DENND5B: variants seen among roughly 807,000 people sequenced by gnomAD.
DENND5B encodes DENN domain containing 5B, also known as DENN domain-containing protein 5B.
In DENND5B, 34 loss-of-function variants were observed where a neutral mutation model predicts 140.6. The ratio of observed to expected loss-of-function variants is 0.24; its 90% CI spans 0.18 to 0.32. The LOEUF (loss-of-function observed/expected upper bound fraction) is 0.32. Ranked by LOEUF, DENND5B falls within the 10% of genes least tolerant of loss-of-function variation. The probability of loss-of-function intolerance (pLI) is 1.00; values close to 1 mark genes in which losing one functional copy is unlikely to be tolerated. For synonymous variants in DENND5B, 551 were observed against 562.1 expected (o/e 0.98, Z 0.28); for missense variants, 1,142 against 1,560.2 (o/e 0.73, Z 4.52).
intron 1 of DENND5B, among the ~76,000 whole-genome samples, chr12:31,588,557 T>C (rs1177557721): frequency 6.6e-6 from 1 of 152,198 alleles, no homozygotes; most frequent in African/African-American, 2.4e-5. Flanking sequence ...TACATAACAT[T>C]ACAACGTAAC....
At chr12:31,430,243 G>C (rs1393293170) in intron 8 of DENND5B, among the ~76,000 whole-genome samples, 2 of 147,590 alleles carry the variant, frequency 1.4e-5, no homozygotes, top group East Asian at 4.0e-4. Context: ...GGCTGGACTC[G>C]AACTCTTGTT....
chr12:31,392,165 T>C, intron 19 of DENND5B, 102 bp downstream of exon 19: 1 of 1,235,628 alleles, frequency 8.1e-7, no homozygotes, highest in Non-Finnish European at 1.1e-6. Flanking sequence ...AAAAAATATA[T>C]ATATCCTTAT....
chr12:31,455,271 G>A (rs1944717347), intron 4 of DENND5B, among the ~76,000 whole-genome samples: 1 of 151,982 alleles, frequency 6.6e-6, no homozygotes, highest in Admixed American at 6.6e-5. Context: ...CTATGAAAAG[G>A]GAAAATGATA....
intron 1 of DENND5B, among the ~76,000 whole-genome samples, chr12:31,543,796 C>G (rs1219104686): frequency 6.6e-6 from 1 of 152,174 alleles, no homozygotes; most frequent in Non-Finnish European, 1.5e-5. Context: ...TACCCTACAG[C>G]AAAATAAATT....
chr12:31,460,674 A>T (rs1020912946), intron 3 of DENND5B, among the ~76,000 whole-genome samples: 1 of 152,200 alleles, frequency 6.6e-6, no homozygotes, highest in Non-Finnish European at 1.5e-5. Context: ...ATCAAGAACT[A>T]ATAAAACTGC....
At chr12:31,540,993 A>T (rs192815287) in intron 1 of DENND5B, 1 of 455,060 alleles carries the variant, frequency 2.2e-6, no homozygotes. Context: ...GGAAAACTGG[A>T]TATCTTTACG....
chr12:31,533,693 G>C (rs951759554), intron 1 of DENND5B, among the ~76,000 whole-genome samples: 1 of 152,170 alleles, frequency 6.6e-6, no homozygotes, highest in Non-Finnish European at 1.5e-5. Context: ...GTAGTTGTAT[G>C]CATGTCTAAA....
At chr12:31,581,110 T>C (rs1950197147) in intron 1 of DENND5B, among the ~76,000 whole-genome samples, 1 of 152,068 alleles carries the variant, frequency 6.6e-6, no homozygotes, top group African/African-American at 2.4e-5. Flanking sequence ...GTCTCACTCT[T>C]GTTATAAATA....
chr12:31,400,482 A>C (rs1941731863), intron 15 of DENND5B, among the ~76,000 whole-genome samples: 1 of 152,250 alleles, frequency 6.6e-6, no homozygotes. Flanking sequence ...TCTGACTTCT[A>C]AAATCTGATA....
chr12:31,572,224 C>CAA (rs63584260), intron 1 of DENND5B, among the ~76,000 whole-genome samples: 8 of 139,062 alleles, frequency 5.8e-5, no homozygotes, highest in African/African-American at 2.1e-4. Context: ...AACTCTGTCT[C>CAA]AAAAAAAAAA....
intron 1 of DENND5B, among the ~76,000 whole-genome samples, chr12:31,561,734 C>T (rs549103803): frequency 2.0e-4 from 31 of 152,106 alleles, no homozygotes; most frequent in Non-Finnish European, 4.0e-4. Context: ...ATACATTGAG[C>T]GCCTACTATT....
intron 1 of DENND5B, among the ~76,000 whole-genome samples, chr12:31,517,132 T>C (rs1293551836): frequency 6.6e-6 from 1 of 152,136 alleles, no homozygotes; most frequent in Non-Finnish European, 1.5e-5. Context: ...AAACTTTAGA[T>C]AAATGAAAAT....
At chr12:31,418,316 T>C (rs973900034) in intron 11 of DENND5B, among the ~76,000 whole-genome samples, 1 of 147,182 alleles carries the variant, frequency 6.8e-6, no homozygotes, top group Non-Finnish European at 1.5e-5. Flanking sequence ...GGTCTCACTC[T>C]TGTCGCCCAG....
intron 1 of DENND5B, among the ~76,000 whole-genome samples, chr12:31,536,580 T>C (rs544579864): frequency 3.4e-4 from 52 of 151,122 alleles, no homozygotes; most frequent in African/African-American, 1.1e-3. Flanking sequence ...ATCTAGAAAA[T>C]AGCCTCAAAA....
intron 1 of DENND5B, among the ~76,000 whole-genome samples, chr12:31,548,940 G>C (rs1354213254): frequency 6.6e-6 from 1 of 152,040 alleles, no homozygotes; most frequent in Admixed American, 6.6e-5. Flanking sequence ...TGTCAACCCA[G>C]GCTGGGGTGC....
intron 3 of DENND5B, among the ~76,000 whole-genome samples, chr12:31,469,797 G>GA (rs1240968706): frequency 6.6e-6 from 1 of 152,140 alleles, no homozygotes; most frequent in South Asian, 2.1e-4. Context: ...ATTGGTTATT[G>GA]AAAAGAGTCT....
chr12:31,551,049 A>T (rs1258865440), intron 1 of DENND5B, among the ~76,000 whole-genome samples: 2 of 152,126 alleles, frequency 1.3e-5, no homozygotes, highest in Non-Finnish European at 2.9e-5. Flanking sequence ...TTTGCTGTAC[A>T]GAAGCTCTTT....
chr12:31,425,174 T>C (rs1383480439), intron 9 of DENND5B, among the ~76,000 whole-genome samples: 2 of 152,116 alleles, frequency 1.3e-5, no homozygotes, highest in East Asian at 1.9e-4. Flanking sequence ...AGCCGGGCAG[T>C]AGTGGCACAC....
chr12:31,456,894 T>C (rs767185806), intron 4 of DENND5B, among the ~76,000 whole-genome samples: 1 of 152,118 alleles, frequency 6.6e-6, no homozygotes, highest in South Asian at 2.1e-4. Flanking sequence ...GCCTGGGCAA[T>C]GTAGTGAGAC....
Sources: allele counts gnomAD v4.1 joint callset (sites outside exome capture counted in the v4.1 genomes callset), GRCh38; gene constraint gnomAD v4.1.1; transcripts MANE v1.5; gene names NCBI Gene and HGNC (gene_info 2026-07-23, HGNC 2026-07-21).